The following VPS54 variants were observed in gnomAD, a reference collection of about 807,000 sequenced individuals.
VPS54 encodes VPS54 subunit of GARP complex.
VPS54 carries 45 observed loss-of-function variants against 121.5 expected under a neutral mutation model. The ratio of observed to expected loss-of-function variants is 0.37; its 90% CI spans 0.29 to 0.47. The LOEUF (loss-of-function observed/expected upper bound fraction) is 0.47, where lower values mean the gene tolerates loss of function less well. Ranked by LOEUF, VPS54 falls within the 20% of genes least tolerant of loss-of-function variation. VPS54 has a pLI of 0.99. For synonymous variants in VPS54, 371 were observed against 385.8 expected (o/e 0.96, Z 0.45); for missense variants, 1,090 against 1,131.4 (o/e 0.96, Z 0.52).
At chr2:63,919,061 C>A (rs899932841) in intron 15 of VPS54, among the ~76,000 whole-genome samples, 1 of 152,056 alleles carries the variant, frequency 6.6e-6, no homozygotes, top group Non-Finnish European at 1.5e-5. Flanking sequence ...AATAGTTCAA[C>A]TACCTTCTCT....
chr2:63,912,264 CTTAA>C, intron 20 of VPS54, 77 bp downstream of exon 20: 1 of 1,202,512 alleles, frequency 8.3e-7, no homozygotes. Context: ...CTTTTCACAT[CTTAA>C]TTTATAAAGT....
chr2:64,011,138 G>A (rs1028892460), intron 1 of VPS54, among the ~76,000 whole-genome samples: 2 of 152,072 alleles, frequency 1.3e-5, no homozygotes, highest in African/African-American at 4.8e-5. Flanking sequence ...TATTTCATGT[G>A]ATATCTTTAT....
At chr2:63,924,618 C>A (rs1673809024) in intron 12 of VPS54, among the ~76,000 whole-genome samples, 1 of 152,096 alleles carries the variant, frequency 6.6e-6, no homozygotes, top group South Asian at 2.1e-4. Flanking sequence ...CAGGAGTGAC[C>A]AGCCTGGGCA....
Position 63,990,269 on chromosome 2 carries a change from AC to A in VPS54, c.-20-6251del, listed in dbSNP as rs570677884. ...ACTCTGGTGACTTTGGCTTAACGTT[AC>A]CCCCTGCTGACCTTGTTTCTTTTCA... On this transcript the variant is annotated intron_variant, in intron 1 of 22. Coordinates refer to ENST00000272322, the MANE Select transcript of VPS54 (RefSeq NM_016516.3). Among the ~76,000 whole-genome samples the A allele has an allele frequency of 1.8e-4, 27 of 151,562 alleles. No homozygotes were observed. In the South Asian group the frequency reaches 3.8e-3, roughly 21 times the overall value.
At chr2:64,017,051 G>C (rs1416445679) in intron 1 of VPS54, among the ~76,000 whole-genome samples, 2 of 141,658 alleles carry the variant, frequency 1.4e-5, no homozygotes, top group Non-Finnish European at 3.0e-5. Context: ...AAAAGAGTGT[G>C]ATGGGCCGGG....
intron 16 of VPS54, among the ~76,000 whole-genome samples, chr2:63,916,582 A>G (rs1050667778): frequency 1.3e-5 from 2 of 152,182 alleles, no homozygotes; most frequent in African/African-American, 4.8e-5. Context: ...AAGAAAAGAT[A>G]GAAAGAGCCT....
At chr2:63,979,525 G>A (rs1298234777) in intron 3 of VPS54, among the ~76,000 whole-genome samples, 1 of 152,210 alleles carries the variant, frequency 6.6e-6, no homozygotes, top group Non-Finnish European at 1.5e-5. Context: ...ACAGGCATGA[G>A]CCACTGCACC....
At chr2:63,910,389 T>C (rs1334519454) in intron 20 of VPS54, among the ~76,000 whole-genome samples, 2 of 152,200 alleles carry the variant, frequency 1.3e-5, no homozygotes, top group African/African-American at 4.8e-5. Flanking sequence ...TGTTCTAGTT[T>C]ATAAGACTTA....
At chr2:63,949,407 G>C (rs966869455) in intron 7 of VPS54, among the ~76,000 whole-genome samples, 9 of 152,162 alleles carry the variant, frequency 5.9e-5, no homozygotes, top group African/African-American at 1.9e-4. Context: ...CCAAACACCA[G>C]TGCAATCAGA....
At chr2:63,997,173 A>G (rs1677637305) in intron 1 of VPS54, among the ~76,000 whole-genome samples, 1 of 152,064 alleles carries the variant, frequency 6.6e-6, no homozygotes. Context: ...TCGTTTTCTG[A>G]TGCGTCTTTG....
chr2:63,938,059 G>GTGTGTGTGTGTGGTGTGTGTGTGT (rs9309357), intron 11 of VPS54, among the ~76,000 whole-genome samples: 1 of 140,384 alleles, frequency 7.1e-6, no homozygotes, highest in Non-Finnish European at 1.5e-5. Flanking sequence ...TGGTGTGTGT[G>GTGTGTGTGTGTGGTGTGTGTGTGT]GTGTGTGTGT....
intron 11 of VPS54, among the ~76,000 whole-genome samples, chr2:63,942,117 T>G (rs1674768281): frequency 6.6e-6 from 1 of 151,904 alleles, no homozygotes; most frequent in African/African-American, 2.4e-5. Flanking sequence ...AACATTGACT[T>G]TATAGAAAAA....
intron 6 of VPS54, among the ~76,000 whole-genome samples, 184 bp downstream of exon 6, chr2:63,965,651 C>T (rs1393549108): frequency 6.6e-6 from 1 of 152,136 alleles, no homozygotes; most frequent in Non-Finnish European, 1.5e-5. Flanking sequence ...ATCTGCACAA[C>T]TTGTGTTCCA....
In VPS54 at chr2:63,972,186, C is replaced by T. The variant is rs781362645; in HGVS notation, c.437G>A (p.Arg146Lys). Residue 146 changes from arginine (R) to lysine (K), a missense_variant, in exon 4 of 23, where the codon AGG (arginine) becomes AAG (lysine). Coordinates refer to ENST00000272322, the MANE Select transcript of VPS54 (RefSeq NM_016516.3). ...NICPPKDTFE[R>K]TLLHTHDKSR... ...CATACCATGAGTATGTAAAAGAGTC[C>T]TTTCGAAGGTATCTTTAGGAGGACA... 17 of 1,588,072 alleles carry T rather than the reference C, an allele frequency of 1.1e-5. No homozygotes were observed. The highest frequency in any genetic ancestry group is 3.4e-4 in the Middle Eastern group (2 of 5,822).
At chr2:63,961,563 A>T (rs990599631) in intron 7 of VPS54, among the ~76,000 whole-genome samples, 1 of 152,230 alleles carries the variant, frequency 6.6e-6, no homozygotes, top group Admixed American at 6.5e-5. Flanking sequence ...TTTAAAACCT[A>T]AGGTATTTTC....
chr2:64,003,952 G>GT (rs1421796995), intron 1 of VPS54, among the ~76,000 whole-genome samples: 1 of 152,102 alleles, frequency 6.6e-6, no homozygotes, highest in Non-Finnish European at 1.5e-5. Flanking sequence ...GAAAGAATAT[G>GT]TAACTCCAGA....
At chr2:63,895,184 AGTG>A (rs1394328546) in intron 22 of VPS54, among the ~76,000 whole-genome samples, 1 of 152,164 alleles carries the variant, frequency 6.6e-6, no homozygotes, top group Non-Finnish European at 1.5e-5. Context: ...GGCCGGGTGC[AGTG>A]GCTCATACCT....
intron 17 of VPS54, 23 bp from the exon 18 acceptor site, chr2:63,913,333 AC>A: frequency 6.3e-7 from 1 of 1,580,028 alleles, no homozygotes; most frequent in African/African-American, 1.4e-5. Context: ...GGAGAAAAAA[AC>A]CCCAAAATTT....
chr2:63,913,163 T>C (rs1673227643), intron 18 of VPS54, 60 bp downstream of exon 18: 5 of 1,375,632 alleles, frequency 3.6e-6, no homozygotes, highest in Non-Finnish European at 4.0e-6. Flanking sequence ...AAAAACATGA[T>C]GAGAACAGTG....
Sources: gnomAD v4.1 joint callset for allele counts (sites outside exome capture counted in the v4.1 genomes callset) on GRCh38, gnomAD v4.1.1 for gene constraint, MANE v1.5 for transcripts, NCBI Gene and HGNC (gene_info 2026-07-23, HGNC 2026-07-21) for gene names.